CEP250: variants seen among roughly 807,000 people sequenced by gnomAD.
The protein encoded by CEP250 is centrosome-associated protein CEP250.
In CEP250, 242 loss-of-function variants were observed where a neutral mutation model predicts 315.7. The observed-to-expected ratio is 0.77, with a 90% CI of 0.69 to 0.85. The LOEUF is 0.85. CEP250 is among the 40% of genes least tolerant of loss of function. CEP250 has a pLI of 0.00. For synonymous variants in CEP250, 1,088 were observed against 1,175.0 expected (o/e 0.93, Z 1.51); for missense variants, 2,515 against 2,886.4 (o/e 0.87, Z 2.95).
Position 35,482,103 on chromosome 20 carries a change from A to AGATT in CEP250, c.2586+1959_2586+1962dup, listed in dbSNP as rs1555838701. 2.1e-4 allele frequency among the ~76,000 whole-genome samples: 31 copies of AGATT among 144,838 alleles called. No individual in the cohort carries two copies. The South Asian group carries it at 2.2e-3, about 10-fold the overall frequency. Reference sequence around the variant, plus strand: ...TAGATAGATAGATAGATAGATAGATAGATTCACTAAGTAAAACATTCAGAT... The same window carrying AGATT: ...TAGATAGATAGATAGATAGATAGATAGATTGATTCACTAAGTAAAACATTCAGAT... On this transcript the variant is annotated intron_variant, in intron 20 of 34. Coordinates refer to ENST00000397527, the MANE Select transcript of CEP250 (RefSeq NM_007186.6).
rs2062601990 is a variant in CEP250 at position 35,455,642 on chromosome 20, C to T, written c.-407C>T. On this transcript the variant is annotated 5_prime_UTR_variant, in exon 1 of 35. Coordinates refer to ENST00000397527, the MANE Select transcript of CEP250 (RefSeq NM_007186.6). ...CTCTGGAGCTCCCATTCTTCAGGACCCTGCTGAAGTATCGCTTCTCAGCCG... is the reference window on the plus strand; with the variant it reads ...CTCTGGAGCTCCCATTCTTCAGGACTCTGCTGAAGTATCGCTTCTCAGCCG... 1.3e-5 allele frequency: 2 copies of T among 152,208 alleles called. No individual in the cohort carries two copies. The highest frequency in any genetic ancestry group is 4.2e-4 in the South Asian group (2 of 4,816). 9.4% of individuals were successfully genotyped at this position (152,208 alleles called of 1,614,324 possible).
At position 35,513,798 on chromosome 20, in the gene CEP250, G is replaced by T. The variant is rs2064402270; in HGVS notation, c.*2172G>T. 1 of 152,266 alleles carries T rather than the reference G, an allele frequency of 6.6e-6. No homozygotes were observed. Among genetic ancestry groups the T allele is most frequent in the African/African-American group, 2.4e-5 (1 of 41,446 alleles). 9.4% of individuals were successfully genotyped at this position (152,266 alleles called of 1,614,324 possible). A position where few individuals can be genotyped will look rare whatever the true frequency, so the allele number is the denominator to read the frequency against. ...AAGACATCTTAGAGGCTGCCAAGCA[G>T]GGTCTTTATTCAGGACTAGACTAAT... is the stretch of plus-strand genomic sequence containing the variant. On this transcript the variant is annotated 3_prime_UTR_variant, in exon 35 of 35. Transcript: ENST00000397527.
rs150096558 is a variant in CEP250 at position 35,462,123 on chromosome 20, G to A, written c.-103-142G>A. 905 of 333,068 alleles carry A rather than the reference G, an allele frequency of 2.7e-3. 2 individuals are homozygous for A. Among genetic ancestry groups the A allele is most frequent in the African/African-American group, 0.018 (857 of 47,778 alleles). 20.6% of individuals were successfully genotyped at this position (333,068 alleles called of 1,614,324 possible). ...CACTAGTCCTGTGAGCTTGTCTCAT[G>A]GTCAGTTAAATTTGGGGAATGATGC... On this transcript the variant is annotated intron_variant, in intron 3 of 34. Coordinates refer to ENST00000397527, the MANE Select transcript of CEP250 (RefSeq NM_007186.6).
intron 33 of CEP250, among the ~76,000 whole-genome samples, chr20:35,509,724 G>T (rs2064300887): frequency 6.6e-6 from 1 of 152,236 alleles, no homozygotes; most frequent in African/African-American, 2.4e-5. Context: ...GTGTACTTCT[G>T]TTAAATTAAA....
rs749565417 is a variant in CEP250, at chr20:35,466,111, C to T, written c.399C>T (p.Ala133=). ...AAAAAGCTGACGTGGTGAATAAAGC[C>T]CTTAGGGAAGATGTGGAAAAACTGA... is the stretch of plus-strand genomic sequence containing the variant. The part of the protein sequence containing the change: ...HMEKADVVNK[A]LREDVEKLTV... Residue 133 remains alanine (A), a synonymous_variant, in exon 7 of 35, where the codon GCC becomes GCT. Transcript: ENST00000397527. The T allele has an allele frequency of 1.7e-5, 28 of 1,613,948 alleles. No individual in the cohort carries two copies. Among genetic ancestry groups the T allele is most frequent in the Admixed American group, 8.3e-5 (5 of 59,978 alleles).
In CEP250 at chr20:35,501,913, G is replaced by A. The variant is rs114063154; in HGVS notation, c.3967G>A (p.Ala1323Thr). 0.012 allele frequency: 18,702 copies of A among 1,613,612 alleles called. 130 individuals carry two copies. Among genetic ancestry groups the A allele is most frequent in the Non-Finnish European group, 0.013 (15,770 of 1,180,000 alleles). The change falls in exon 29 of 35, where the codon GCA becomes ACA. Residue 1323 changes from alanine to threonine, a missense_variant. Ala to Thr is a moderately conservative substitution (Grantham distance 58). Coordinates refer to ENST00000397527, the MANE Select transcript of CEP250 (RefSeq NM_007186.6). ...SELMELHETM[A>T]SLQSRLRRAE... ...GCTGATGGAACTACATGAAACTATG[G>A]CATCCTTACAGAGTCGCCTGCGGAG...
In CEP250 at chr20:35,498,063, G is replaced by A. The variant is rs1202030915; in HGVS notation, c.3651G>A (p.Glu1217=). The change falls in exon 26 of 35, where the codon GAG becomes GAA. Residue 1217 remains glutamate (E), a synonymous_variant. Transcript: ENST00000397527. The part of the protein sequence containing the change: ...GDSAPSVWGL[E]PDQNGARSLF... ...CTGCTCCTTCCGTCTGGGGCCTTGA[G>A]CCAGGTGAGACAGCCTCCCCAGAAC... The A allele has an allele frequency of 1.3e-6, 2 of 1,564,660 alleles. No individual in the cohort carries two copies. The highest frequency in any genetic ancestry group is 2.7e-5 in the African/African-American group (2 of 73,744).
intron 9 of CEP250, among the ~76,000 whole-genome samples, chr20:35,469,447 A>G (rs1248432665): frequency 6.6e-6 from 1 of 152,240 alleles, no homozygotes. Flanking sequence ...AATATCAAGA[A>G]GGTTGAACAT....
chr20:35,511,712 C>T lies in CEP250; in HGVS notation c.*86C>T. ...ACCTACAGGTTTGCCAAAGGAAAAG[C>T]CTGGCTCTGTTAGGCACCCAGGAGC... On this transcript the variant is annotated 3_prime_UTR_variant, in exon 35 of 35. Coordinates refer to ENST00000397527, the MANE Select transcript of CEP250 (RefSeq NM_007186.6). 1 of 1,490,746 alleles carries T rather than the reference C, an allele frequency of 6.7e-7. No homozygotes were observed. Among genetic ancestry groups the T allele is most frequent in the African/African-American group, 1.4e-5 (1 of 71,572 alleles). 92.3% of individuals were successfully genotyped at this position (1,490,746 alleles called of 1,614,324 possible). A position where few individuals can be genotyped will look rare whatever the true frequency, so the allele number is the denominator to read the frequency against.
chr20:35,490,721 C>T lies in CEP250; in HGVS notation c.2671C>T (p.Leu891=). The T allele has an allele frequency of 6.2e-7, 1 of 1,613,940 alleles. No individual in the cohort carries two copies. The highest frequency in any genetic ancestry group is 2.2e-5 in the East Asian group (1 of 44,862). ...EREKMELEMR[L]KEQQTEMEAI... ...GGAAAAAATGGAGCTGGAAATGAGG[C>T]TAAAGGAGCAGCAGACAGAAATGGA... The change falls in exon 21 of 35, where the codon CTA becomes TTA. Residue 891 remains leucine (L), a synonymous_variant. Transcript: ENST00000397527.
chr20:35,504,901 C>G lies in CEP250; in HGVS notation c.6532C>G (p.Leu2178Val), dbSNP rs369913865. The G allele has an allele frequency of 6.2e-7, 1 of 1,614,086 alleles. No homozygotes were observed. The highest frequency in any genetic ancestry group is 1.3e-5 in the African/African-American group (1 of 74,930). Residue 2178 changes from leucine (L) to valine (V), a missense_variant, in exon 30 of 35, where the codon CTC (leucine) becomes GTC (valine). Leu to Val is a conservative substitution (Grantham distance 32). Transcript: ENST00000397527. Reference sequence around the variant, plus strand: ...GAGGGAGAAGGCCCAGGACTTGGCACTCTCCCTAGCGCAGACCAAGGCCAG... The same window carrying G: ...GAGGGAGAAGGCCCAGGACTTGGCAGTCTCCCTAGCGCAGACCAAGGCCAG... ...EWREKAQDLALSLAQTKASVS... is the reference protein window; with the variant it reads ...EWREKAQDLAVSLAQTKASVS...
intron 32 of CEP250, among the ~76,000 whole-genome samples, chr20:35,508,636 T>C (rs1247035618): frequency 6.6e-6 from 1 of 152,236 alleles, no homozygotes; most frequent in Non-Finnish European, 1.5e-5. Flanking sequence ...TTTATTGGAA[T>C]ACAGCCATGC....
At chr20:35,486,952 C>T (rs552883641) in intron 20 of CEP250, among the ~76,000 whole-genome samples, 2 of 152,286 alleles carry the variant, frequency 1.3e-5, no homozygotes, top group Admixed American at 6.5e-5. Context: ...ACCTACGTGG[C>T]CTTGGTTTCC....
In CEP250 at chr20:35,495,104, AG is replaced by A. The variant is rs549479029; in HGVS notation, c.3167+450del. ...CATGAAGTGGAGCTACCCATGTAAA[AG>A]GGTGAGGGGGAGTTCTATTCCGTAA... On this transcript the variant is annotated intron_variant, in intron 24 of 34. Coordinates refer to ENST00000397527, the MANE Select transcript of CEP250 (RefSeq NM_007186.6). Among the ~76,000 whole-genome samples, 388 of 152,348 alleles carry A rather than the reference AG, an allele frequency of 2.5e-3. 2 individuals are homozygous for A. The highest frequency in any genetic ancestry group is 4.1e-3 in the Non-Finnish European group (277 of 68,026).
At position 35,465,737 on chromosome 20, in the gene CEP250, G is replaced by A. The variant is rs377361213; in HGVS notation, c.244-6G>A. On this transcript the variant is annotated splice_polypyrimidine_tract_variant and splice_region_variant and intron_variant, in intron 5 of 34. Coordinates refer to ENST00000397527, the MANE Select transcript of CEP250 (RefSeq NM_007186.6). ...GGTAAGTAAGGCTTGTCTCTGTCTG[G>A]CGCAGGGACCAATCCCCCAGAGGTG... The A allele has an allele frequency of 9.9e-5, 158 of 1,590,510 alleles. No individual in the cohort carries two copies. In the Middle Eastern group the frequency reaches 1.3e-3, roughly 13 times the overall value.
rs2146851310 is a variant in CEP250 at position 35,477,801 on chromosome 20, C to A, written c.1864-70C>A. ...ATTCATATCTCACTTGGATTTCAGT[C>A]TTAGCATTTGATTCCTAAACTAACC... On this transcript the variant is annotated intron_variant, in intron 16 of 34. Transcript: ENST00000397527. 4 of 1,240,602 alleles carry A rather than the reference C, an allele frequency of 3.2e-6. No homozygotes were observed. In the South Asian group the frequency reaches 5.4e-5, roughly 17 times the overall value. The allele number at this position is 1,240,602 out of a possible 1,614,324, so 76.8% of individuals were successfully genotyped here.
chr20:35,506,063 G>A (rs974146195), intron 30 of CEP250, among the ~76,000 whole-genome samples: 1 of 152,156 alleles, frequency 6.6e-6, no homozygotes, highest in African/African-American at 2.4e-5. Flanking sequence ...CATGTGGGTG[G>A]GTCTGAGAGG....
At position 35,503,151 on chromosome 20, in the gene CEP250, G is replaced by A. The variant is rs41290924; in HGVS notation, c.4782G>A (p.Thr1594=). 0.012 allele frequency: 19,678 copies of A among 1,614,056 alleles called. 134 individuals are homozygous for A. The highest frequency in any genetic ancestry group is 0.014 in the Non-Finnish European group (16,975 of 1,179,992). The change falls in exon 30 of 35, where the codon ACG becomes ACA. Residue 1594 remains threonine (T), a synonymous_variant. Transcript: ENST00000397527. This position sits in a 1 kb window ranked among gnomAD's most constrained non-coding sequence, Gnocchi z 4.2. ...AGAGAGTGGCTTTGACCCACCTTACGCTGGACCTAGAAGAAAGGAGCCAGG... is the reference window on the plus strand; with the variant it reads ...AGAGAGTGGCTTTGACCCACCTTACACTGGACCTAGAAGAAAGGAGCCAGG... ...ETQRVALTHL[T]LDLEERSQEL... is the part of the protein sequence containing the mutation.
intron 10 of CEP250, 139 bp downstream of exon 10, chr20:35,470,125 TC>T (rs2062989691): frequency 1.6e-6 from 1 of 641,600 alleles, no homozygotes; most frequent in African/African-American, 1.8e-5. Context: ...TTTGGCTGAA[TC>T]TGAAAATTAA....
Sources: allele counts gnomAD v4.1 joint callset (sites outside exome capture counted in the v4.1 genomes callset), GRCh38; gene constraint gnomAD v4.1.1; non-coding constraint Gnocchi (gnomAD v3.1); transcripts MANE v1.5; gene names NCBI Gene and HGNC (gene_info 2026-07-23, HGNC 2026-07-21).